Variants in TSPAN18 observed in about 807,000 individuals in gnomAD.
TSPAN18 encodes tetraspanin-18.
TSPAN18 carries 14 observed loss-of-function variants against 27.3 expected under a neutral mutation model. That is an observed-to-expected ratio of 0.51 (90% CI 0.34 to 0.80). The LOEUF (loss-of-function observed/expected upper bound fraction) is 0.80, where lower values mean the gene tolerates loss of function less well. Ranked by LOEUF, TSPAN18 falls within the 30% of genes least tolerant of loss-of-function variation. TSPAN18 has a pLI of 0.01. For synonymous variants in TSPAN18, 143 were observed against 136.5 expected, an observed-to-expected ratio of 1.05 and a Z score of -0.33; for missense variants, 268 against 323.9, an observed-to-expected ratio of 0.83 and a Z score of 1.32.
intron 2 of TSPAN18, among the ~76,000 whole-genome samples, chr11:44,835,196 G>A (rs1265252397): frequency 6.6e-6 from 1 of 152,186 alleles, no homozygotes; most frequent in African/African-American, 2.4e-5. Context: ...CGTGGGGAGG[G>A]TCCCCGACAG....
chr11:44,766,451 C>T (rs1303576742), intron 2 of TSPAN18, among the ~76,000 whole-genome samples: 1 of 152,236 alleles, frequency 6.6e-6, no homozygotes, highest in African/African-American at 2.4e-5. Flanking sequence ...AGCCTGGATC[C>T]TGCCCAGTAT....
At chr11:44,807,610 G>A (rs1421957863) in intron 2 of TSPAN18, among the ~76,000 whole-genome samples, 1 of 151,998 alleles carries the variant, frequency 6.6e-6, no homozygotes, top group African/African-American at 2.4e-5. Context: ...GTGAATGAAG[G>A]TGGTATTCAG....
intron 2 of TSPAN18, among the ~76,000 whole-genome samples, chr11:44,806,066 G>C (rs185774611): frequency 7.4e-6 from 1 of 135,508 alleles, no homozygotes; most frequent in Non-Finnish European, 1.5e-5. Flanking sequence ...TTGGAGTCTC[G>C]CTCTATCCCC....
intron 2 of TSPAN18, among the ~76,000 whole-genome samples, chr11:44,786,630 T>C (rs1178348962): frequency 6.7e-6 from 1 of 148,638 alleles, no homozygotes; most frequent in Non-Finnish European, 1.5e-5. Flanking sequence ...TTACTTTTTT[T>C]TTTTTTTTTT....
chr11:44,890,239 A>G (rs1175461078), intron 3 of TSPAN18, among the ~76,000 whole-genome samples: 5 of 152,234 alleles, frequency 3.3e-5, no homozygotes, highest in Non-Finnish European at 7.3e-5. Context: ...TCTGGGGTCC[A>G]TGTATTCCAT....
intron 2 of TSPAN18, among the ~76,000 whole-genome samples, chr11:44,794,806 A>G (rs1856311055): frequency 6.6e-6 from 1 of 152,212 alleles, no homozygotes; most frequent in African/African-American, 2.4e-5. Context: ...TGGGCATAAT[A>G]ATGAAAGCGC....
intron 9 of TSPAN18, 39 bp downstream of exon 9, chr11:44,926,796 A>G: frequency 6.2e-7 from 1 of 1,601,936 alleles, no homozygotes. Context: ...CCCCAGGATG[A>G]AGCCTCACGT....
At chr11:44,767,438 C>T (rs1189357079) in intron 2 of TSPAN18, among the ~76,000 whole-genome samples, 1 of 152,234 alleles carries the variant, frequency 6.6e-6, no homozygotes, top group Non-Finnish European at 1.5e-5. Flanking sequence ...ATGGCATTCT[C>T]TGCATCTAGA....
intron 1 of TSPAN18, among the ~76,000 whole-genome samples, chr11:44,746,952 A>G (rs548924169): frequency 1.8e-4 from 27 of 152,304 alleles, no homozygotes; most frequent in African/African-American, 6.3e-4. Flanking sequence ...CCCATTGCTC[A>G]TGTCAGGGTG....
At chr11:44,892,119 A>G (rs11827245) in intron 3 of TSPAN18, among the ~76,000 whole-genome samples, 1 of 152,040 alleles carries the variant, frequency 6.6e-6, no homozygotes, top group Admixed American at 6.5e-5. Context: ...GGCTGAGTCA[A>G]CCTTCCTTCC....
intron 2 of TSPAN18, among the ~76,000 whole-genome samples, chr11:44,827,834 G>A (rs2135136409): frequency 6.6e-6 from 1 of 152,348 alleles, no homozygotes; most frequent in East Asian, 1.9e-4. Context: ...AGAGAAAGGA[G>A]AGGGACATGG....
chr11:44,896,583 C>T (rs1435078726), intron 3 of TSPAN18, among the ~76,000 whole-genome samples: 1 of 152,162 alleles, frequency 6.6e-6, no homozygotes, highest in African/African-American at 2.4e-5. Context: ...GGGCTGTGGC[C>T]ATGTCTCAGG....
chr11:44,833,090 G>A (rs937416933), intron 2 of TSPAN18, among the ~76,000 whole-genome samples: 2 of 148,062 alleles, frequency 1.4e-5, no homozygotes, highest in African/African-American at 5.0e-5. Flanking sequence ...TAGAAACACT[G>A]TCTCCTCACT....
chr11:44,901,357 G>A (rs1214977172), intron 3 of TSPAN18: 5 of 152,216 alleles, frequency 3.3e-5, no homozygotes, highest in East Asian at 1.9e-4. Context: ...CAGGTAGTCC[G>A]TTTATGAGCT....
intron 2 of TSPAN18, among the ~76,000 whole-genome samples, chr11:44,800,006 G>GTTTTTTTTTTTTTTTTTTTT (rs60067559): frequency 2.7e-5 from 3 of 109,398 alleles, no homozygotes; most frequent in Non-Finnish European, 3.6e-5. Context: ...AATTTTTTGT[G>GTTTTTTTTTTTTTTTTTTTT]TTTTTTTTTT....
chr11:44,806,894 C>T (rs11038157), intron 2 of TSPAN18, among the ~76,000 whole-genome samples: 2 of 152,228 alleles, frequency 1.3e-5, no homozygotes, highest in African/African-American at 4.8e-5. Context: ...TTAGGTGGCA[C>T]TCACATGAAC....
intron 3 of TSPAN18, among the ~76,000 whole-genome samples, chr11:44,865,223 C>A (rs747668295): frequency 6.6e-6 from 1 of 152,146 alleles, no homozygotes; most frequent in Non-Finnish European, 1.5e-5. Flanking sequence ...AGCTTGCAAA[C>A]GCCAGCTCTG....
chr11:44,853,572 C>T (rs879017384), intron 2 of TSPAN18, among the ~76,000 whole-genome samples: 1 of 152,174 alleles, frequency 6.6e-6, no homozygotes, highest in Admixed American at 6.5e-5. Flanking sequence ...CTCCGTCTTA[C>T]ACTTGGGGAA....
intron 1 of TSPAN18, among the ~76,000 whole-genome samples, chr11:44,743,149 C>A (rs1165124792): frequency 1.3e-5 from 2 of 152,196 alleles, no homozygotes; most frequent in Admixed American, 1.3e-4. Flanking sequence ...AGCACTTCCC[C>A]CTAAAAATGC....
Sources: gnomAD v4.1 joint callset for allele counts (sites outside exome capture counted in the v4.1 genomes callset) on GRCh38, gnomAD v4.1.1 for gene constraint, MANE v1.5 for transcripts, NCBI Gene and HGNC (gene_info 2026-07-23, HGNC 2026-07-21) for gene names.